The following KCNN2 variants were observed in gnomAD, a reference collection of about 807,000 sequenced individuals.
The protein encoded by KCNN2 is potassium calcium-activated channel subfamily N member 2.
KCNN2 carries 24 observed loss-of-function variants against 55.5 expected under a neutral mutation model. The observed-to-expected ratio is 0.43, with a 90% CI of 0.31 to 0.61. The LOEUF is 0.61. Among genes scored for constraint, KCNN2 ranks in the 20% least tolerant of loss-of-function variants. The probability of loss-of-function intolerance (pLI) is 0.08; values close to 1 mark genes in which losing one functional copy is unlikely to be tolerated. For missense variants in KCNN2, 754 were observed against 853.6 expected (o/e 0.88, Z 1.45); for synonymous variants, 431 against 336.1 (o/e 1.28, Z -3.09).
intron 2 of KCNN2, among the ~76,000 whole-genome samples, chr5:114,254,510 G>T (rs150165636): frequency 6.6e-6 from 1 of 152,112 alleles, no homozygotes; most frequent in Non-Finnish European, 1.5e-5. Context: ...TCTGCAGAAA[G>T]GTCTTCAAAA....
chr5:114,269,539 G>T (rs1392301758), intron 2 of KCNN2, among the ~76,000 whole-genome samples: 1 of 149,378 alleles, frequency 6.7e-6, no homozygotes, highest in South Asian at 2.1e-4. Context: ...ATCATAGACC[G>T]ACTCTAGAAC....
At position 114,449,879 on chromosome 5, in the gene KCNN2, T is replaced by TACACACACACACAC. The variant is rs745574908; in HGVS notation, c.1638-13153_1638-13140dup. On this transcript the variant is annotated intron_variant, in intron 3 of 7. Transcript: ENST00000673685. ...TTAGAATAGAGTAAGCATCCAAACA[T>TACACACACACACAC]ACACACACACACACACACACACACA... Among the ~76,000 whole-genome samples the TACACACACACACAC allele has an allele frequency of 1.4e-3, 128 of 93,430 alleles. 1 individual carries two copies. Among genetic ancestry groups the TACACACACACACAC allele is most frequent in the Middle Eastern group, 5.4e-3 (1 of 186 alleles). The allele number at this position is 93,430 out of a possible 152,430, so 61.3% of individuals were successfully genotyped here. A position where few individuals can be genotyped will look rare whatever the true frequency, so the allele number is the denominator to read the frequency against.
intron 2 of KCNN2, among the ~76,000 whole-genome samples, chr5:114,312,031 A>G (rs918083630): frequency 1.3e-5 from 2 of 152,134 alleles, no homozygotes; most frequent in African/African-American, 4.8e-5. Context: ...ACTTCTTTTC[A>G]TATCAGTGAA....
At chr5:114,308,742 C>G (rs892188535) in intron 2 of KCNN2, among the ~76,000 whole-genome samples, 5 of 151,986 alleles carry the variant, frequency 3.3e-5, no homozygotes, top group African/African-American at 1.2e-4. Flanking sequence ...CCAAGAGAGC[C>G]CGCAGCTAAT....
At chr5:114,171,679 C>CTT (rs61254407) in intron 1 of KCNN2, among the ~76,000 whole-genome samples, 4,099 of 147,400 alleles carry the variant, frequency 0.028, 157 homozygotes, top group African/African-American at 0.09. Context: ...TTCTTATATG[C>CTT]TTTTTTTTTT....
intron 1 of KCNN2, among the ~76,000 whole-genome samples, chr5:114,155,133 G>T (rs2112522489): frequency 6.6e-6 from 1 of 152,170 alleles, no homozygotes; most frequent in South Asian, 2.1e-4. Context: ...GTGAGAACAT[G>T]TGGTATTTGG....
chr5:114,439,455 T>G (rs971925569), intron 3 of KCNN2, among the ~76,000 whole-genome samples: 166 of 152,306 alleles, frequency 1.1e-3, no homozygotes, highest in African/African-American at 3.8e-3. Context: ...TTGTACTCCA[T>G]TCTGTTTTAT....
chr5:114,128,211 G>T (rs1271218163), intron 1 of KCNN2, among the ~76,000 whole-genome samples: 1 of 152,118 alleles, frequency 6.6e-6, no homozygotes. Flanking sequence ...ACATACTCAG[G>T]ACTGGGTAAT....
At chr5:114,150,373 A>C (rs1752496759) in intron 1 of KCNN2, among the ~76,000 whole-genome samples, 1 of 152,212 alleles carries the variant, frequency 6.6e-6, no homozygotes, top group African/African-American at 2.4e-5. Flanking sequence ...TCTTTGACAA[A>C]CCTGAAAAAC....
At chr5:114,125,087 A>G (rs1197552851) in intron 1 of KCNN2, among the ~76,000 whole-genome samples, 4 of 152,234 alleles carry the variant, frequency 2.6e-5, no homozygotes, top group East Asian at 3.9e-4. Flanking sequence ...AAAAGGGGCA[A>G]TTGGTTACCT....
intron 2 of KCNN2, among the ~76,000 whole-genome samples, chr5:114,343,756 A>G (rs1274059120): frequency 1.3e-5 from 2 of 152,100 alleles, no homozygotes; most frequent in Non-Finnish European, 2.9e-5. Context: ...GAGTGGTACA[A>G]TCCTAAAGAC....
At chr5:114,359,049 A>G (rs1183284500), upstream of KCNN2, among the ~76,000 whole-genome samples, 2 of 152,194 alleles carry the variant, frequency 1.3e-5, no homozygotes, top group African/African-American at 2.4e-5. Flanking sequence ...CACACTCTCA[A>G]TATACAGATA....
intron 1 of KCNN2, among the ~76,000 whole-genome samples, chr5:114,157,178 C>G (rs1479617601): frequency 2.1e-5 from 3 of 143,554 alleles, no homozygotes; most frequent in Non-Finnish European, 4.5e-5. Context: ...ACAGCAGTCC[C>G]TGGTGTGTGA....
At chr5:114,099,702 C>A (rs1751335820) in intron 1 of KCNN2, among the ~76,000 whole-genome samples, 1 of 151,952 alleles carries the variant, frequency 6.6e-6, no homozygotes, top group Non-Finnish European at 1.5e-5. Flanking sequence ...TGATTTTGTT[C>A]TTGGAAAAAT....
At chr5:114,239,528 A>G (rs4538601) in intron 2 of KCNN2, among the ~76,000 whole-genome samples, 152,355 of 152,358 alleles carry the variant, frequency 1, 76,176 homozygotes, top group Non-Finnish European at 1. Flanking sequence ...TAGGGACAAA[A>G]AAAATGGGAT....
chr5:114,482,829 G>C (rs1762284729), intron 5 of KCNN2, among the ~76,000 whole-genome samples: 1 of 152,238 alleles, frequency 6.6e-6, no homozygotes, highest in Non-Finnish European at 1.5e-5. Flanking sequence ...TGAATGATGA[G>C]AATACATGGA....
At chr5:114,487,025 A>C (rs374816079) in intron 5 of KCNN2, 25 bp from the exon 6 acceptor site, 2 of 1,611,742 alleles carry the variant, frequency 1.2e-6, no homozygotes, top group Non-Finnish European at 1.7e-6. Flanking sequence ...GAATTTATCA[A>C]CTGCTTTGTT....
At chr5:114,295,155 C>T (rs978028651) in intron 2 of KCNN2, among the ~76,000 whole-genome samples, 1 of 152,176 alleles carries the variant, frequency 6.6e-6, no homozygotes, top group Non-Finnish European at 1.5e-5. Flanking sequence ...GGCTCAGAGA[C>T]CCACTTGAGG....
intron 5 of KCNN2, among the ~76,000 whole-genome samples, chr5:114,480,775 C>T (rs1437554931): frequency 2.0e-5 from 3 of 152,084 alleles, no homozygotes; most frequent in African/African-American, 7.2e-5. Flanking sequence ...CCACACAGTT[C>T]TCTCAATAGA....
Sources: gnomAD v4.1 joint callset for allele counts (sites outside exome capture counted in the v4.1 genomes callset) on GRCh38, gnomAD v4.1.1 for gene constraint, MANE v1.5 for transcripts, NCBI Gene and HGNC (gene_info 2026-07-23, HGNC 2026-07-21) for gene names.